Variants in HTR1D observed in about 807,000 individuals in gnomAD.
HTR1D encodes 5-hydroxytryptamine receptor 1D, also known as 5-HT-1D.
Under a neutral mutation model 21.1 loss-of-function variants are expected in HTR1D, and 18 were observed. The observed-to-expected ratio is 0.85, with a 90% CI of 0.59 to 1.27. The LOEUF (loss-of-function observed/expected upper bound fraction) is 1.27. Among genes scored for constraint, HTR1D ranks in the 50% most tolerant of loss-of-function variants. The probability of loss-of-function intolerance (pLI) is 0.00; values close to 1 mark genes in which losing one functional copy is unlikely to be tolerated. For missense variants in HTR1D, 456 were observed against 481.4 expected, an observed-to-expected ratio of 0.95 and a Z score of 0.49; for synonymous variants, 196 against 204.4, an observed-to-expected ratio of 0.96 and a Z score of 0.35.
At chr1:23,216,641 T>C (rs1260655293) in intron 1 of HTR1D, among the ~76,000 whole-genome samples, 1 of 152,260 alleles carries the variant, frequency 6.6e-6, no homozygotes, top group African/African-American at 2.4e-5. Context: ...CGGCATTATG[T>C]GATTAGCTAG....
chr1:23,196,279 T>A (rs553130123), intron 1 of HTR1D, among the ~76,000 whole-genome samples: 1 of 152,098 alleles, frequency 6.6e-6, no homozygotes, highest in East Asian at 1.9e-4. Flanking sequence ...ACCCCGTCTC[T>A]ACTAAAAAAA....
At chr1:23,206,046 T>G (rs772239787) in intron 1 of HTR1D, among the ~76,000 whole-genome samples, 33 of 151,780 alleles carry the variant, frequency 2.2e-4, no homozygotes, top group Non-Finnish European at 3.7e-4. Context: ...TCTTCCTTCC[T>G]TTCTTTTTTT....
At position 23,193,120 on chromosome 1, in the gene HTR1D, A is replaced by G. The variant is rs781276580; in HGVS notation, c.1100T>C (p.Phe367Ser). 1 of 1,611,194 alleles carries G rather than the reference A, an allele frequency of 6.2e-7. No individual in the cohort carries two copies. Among genetic ancestry groups the G allele is most frequent in the South Asian group, 1.1e-5 (1 of 90,366 alleles). ...TVFNEEFRQA[F>S]QKIVPFRKAS ...CTTCCGGAAAGGGACAATTTTCTGA[A>G]AAGCTTGCCGAAACTCTTCATTAAA... is the stretch of plus-strand genomic sequence containing the variant. Residue 367 changes from phenylalanine to serine, a missense_variant, in exon 2 of 2, where the codon TTT becomes TCT. Coordinates refer to ENST00000374619, the MANE Select transcript of HTR1D (RefSeq NM_000864.5).
chr1:23,213,251 G>A (rs1238635147), intron 1 of HTR1D, among the ~76,000 whole-genome samples: 2 of 152,182 alleles, frequency 1.3e-5, no homozygotes, highest in Admixed American at 6.5e-5. Flanking sequence ...TTGGGAGGTC[G>A]AGGCTGGCGG....
chr1:23,214,993 G>A (rs1307034372), intron 1 of HTR1D, among the ~76,000 whole-genome samples: 1 of 152,160 alleles, frequency 6.6e-6, no homozygotes, highest in East Asian at 1.9e-4. Flanking sequence ...TCTAAGGGCT[G>A]TAGAAAGGAG....
intron 1 of HTR1D, among the ~76,000 whole-genome samples, chr1:23,212,980 C>T (rs965223987): frequency 1.3e-5 from 2 of 152,142 alleles, no homozygotes; most frequent in Non-Finnish European, 2.9e-5. Context: ...GTGCATGCCA[C>T]CACATCCAGC....
Position 23,193,727 on chromosome 1 carries a change from T to C in HTR1D, c.493A>G (p.Ile165Val). ...AATMIAIVWA[I>V]SICISIPPLF... ...GGGGGGATGGAGATGCAGATGGAGA[T>C]GGCCCAGACAATGGCGATCATGGTG... Residue 165 changes from isoleucine to valine, a missense_variant, in exon 2 of 2, where the codon ATC becomes GTC. Transcript: ENST00000374619. 6.2e-7 allele frequency: 1 copy of C among 1,614,132 alleles called. No homozygotes were observed. Among genetic ancestry groups the C allele is most frequent in the Non-Finnish European group, 8.5e-7 (1 of 1,180,002 alleles).
At chr1:23,195,098 C>T (rs1312507007) in intron 1 of HTR1D, among the ~76,000 whole-genome samples, 97 bp from the exon 2 acceptor site, 1 of 152,154 alleles carries the variant, frequency 6.6e-6, no homozygotes, top group Non-Finnish European at 1.5e-5. Flanking sequence ...CTACTTAAAG[C>T]TGGCCATGGT....
chr1:23,215,806 T>C (rs1382692275), intron 1 of HTR1D, among the ~76,000 whole-genome samples: 2 of 152,260 alleles, frequency 1.3e-5, no homozygotes, highest in African/African-American at 4.8e-5. Flanking sequence ...TCAGGGCTTC[T>C]GTGGCTGCAG....
Position 23,197,754 on chromosome 1 carries a change from A to G in HTR1D, c.-782-2753T>C, listed in dbSNP as rs2148238961. The stretch of plus-strand genomic sequence containing the variant: ...AAAAAAAAAATTAAAATGACAATGA[A>G]GGCTGGGTGTGGTGGCGTATGCCAG... On this transcript the variant is annotated intron_variant, in intron 1 of 1. Transcript: ENST00000374619. Among the ~76,000 whole-genome samples, 2 of 151,914 alleles carry G rather than the reference A, an allele frequency of 1.3e-5. 1 individual carries two copies.
chr1:23,195,892 G>T (rs1243465396), intron 1 of HTR1D, among the ~76,000 whole-genome samples: 1 of 152,038 alleles, frequency 6.6e-6, no homozygotes, highest in African/African-American at 2.4e-5. Flanking sequence ...GCGGTGGCAT[G>T]ACCACAGCTC....
chr1:23,197,536 GCCTGGCCAAC>G (rs1308970082), intron 1 of HTR1D, among the ~76,000 whole-genome samples: 4 of 152,032 alleles, frequency 2.6e-5, no homozygotes, highest in African/African-American at 7.2e-5. Flanking sequence ...GTCGAGACCA[GCCTGGCCAAC>G]ATGGTGAAAC....
In HTR1D at chr1:23,194,299, CA is replaced by C; in HGVS notation, c.-81del. 4.5e-6 allele frequency: 6 copies of C among 1,323,660 alleles called. No homozygotes were observed. The highest frequency in any genetic ancestry group is 6.3e-6 in the Non-Finnish European group (6 of 950,614). 82.0% of individuals were successfully genotyped at this position (1,323,660 alleles called of 1,614,324 possible). On this transcript the variant is annotated 5_prime_UTR_variant, in exon 2 of 2. An upstream start codon of the reference 5' UTR is lost. Transcript: ENST00000374619. ...GGTTGTCCTGACAACAGAGCAAAGTCATCCTTCTGCTTCACACTGGTGGGAG... is the reference window on the plus strand; with the variant it reads ...GGTTGTCCTGACAACAGAGCAAAGTCTCCTTCTGCTTCACACTGGTGGGAG...
chr1:23,202,354 A>G (rs968261986), intron 1 of HTR1D, among the ~76,000 whole-genome samples: 2 of 152,122 alleles, frequency 1.3e-5, no homozygotes, highest in South Asian at 2.1e-4. Flanking sequence ...GAGCCTCCCA[A>G]AGTGCTGGGG....
intron 1 of HTR1D, among the ~76,000 whole-genome samples, chr1:23,205,239 G>C (rs753901680): frequency 7.9e-5 from 12 of 152,114 alleles, no homozygotes; most frequent in Non-Finnish European, 1.6e-4. Context: ...CGGGGACTTG[G>C]GGGGAAGGGT....
chr1:23,201,647 G>A (rs1326177950), intron 1 of HTR1D, among the ~76,000 whole-genome samples: 1 of 152,212 alleles, frequency 6.6e-6, no homozygotes, highest in Non-Finnish European at 1.5e-5. Flanking sequence ...GATCTCCCAG[G>A]TTCAAGTGAT....
intron 1 of HTR1D, among the ~76,000 whole-genome samples, chr1:23,213,809 T>C (rs6660880): frequency 0.51 from 76,947 of 152,024 alleles, 20,249 homozygotes; most frequent in Non-Finnish European, 0.59. Flanking sequence ...TTTGCCCACC[T>C]GGGCTTCCCA....
At chr1:23,209,838 T>C (rs1204281411) in intron 1 of HTR1D, among the ~76,000 whole-genome samples, 1 of 152,070 alleles carries the variant, frequency 6.6e-6, no homozygotes, top group Non-Finnish European at 1.5e-5. Context: ...TCCACTTCTT[T>C]CTTTCCACAA....
At chr1:23,197,091 C>T (rs1001332057) in intron 1 of HTR1D, among the ~76,000 whole-genome samples, 2 of 152,140 alleles carry the variant, frequency 1.3e-5, no homozygotes, top group East Asian at 1.9e-4. Flanking sequence ...CAAACTCATG[C>T]GGTCACTCCT....
Sources: gnomAD v4.1 joint callset for allele counts (sites outside exome capture counted in the v4.1 genomes callset) on GRCh38, gnomAD v4.1.1 for gene constraint, MANE v1.5 for transcripts, NCBI Gene and HGNC (gene_info 2026-07-23, HGNC 2026-07-21) for gene names.